Variants in ITFG2 observed in about 807,000 individuals in gnomAD.
The protein encoded by ITFG2 is integrin alpha FG-GAP repeat containing 2.
A neutral mutation model predicts 54.4 loss-of-function variants in ITFG2; 36 were observed. The observed-to-expected ratio is 0.66, with a 90% CI of 0.51 to 0.87. The LOEUF (loss-of-function observed/expected upper bound fraction) is 0.87. Ranked by LOEUF, ITFG2 falls within the 40% of genes least tolerant of loss-of-function variation. The pLI is 0.00. For synonymous variants in ITFG2, 211 were observed against 225.4 expected, an observed-to-expected ratio of 0.94 and a Z score of 0.57; for missense variants, 524 against 576.7, an observed-to-expected ratio of 0.91 and a Z score of 0.94.
chr12:2,847,354 G>A (rs543561602), intron 2 of ITFG2, among the ~76,000 whole-genome samples: 1 of 152,144 alleles, frequency 6.6e-6, no homozygotes, highest in East Asian at 1.9e-4. Context: ...CAGAAACCCT[G>A]TACCCATTAA....
intron 4 of ITFG2, 112 bp from the exon 5 acceptor site, chr12:2,819,974 T>C: frequency 1.5e-6 from 2 of 1,361,012 alleles, no homozygotes; most frequent in Non-Finnish European, 2.0e-6. Context: ...GTGAAGTGAG[T>C]AGCACCGCAG....
chr12:2,822,642 T>C, intron 9 of ITFG2, 152 bp from the exon 10 acceptor site: 1 of 686,726 alleles, frequency 1.5e-6, no homozygotes, highest in Non-Finnish European at 2.6e-6. Flanking sequence ...GCCTACTTCC[T>C]AGGGTGGCTG....
chr12:2,855,480 T>C (rs1427042120), intron 2 of ITFG2: 1 of 1,391,042 alleles, frequency 7.2e-7, no homozygotes, highest in African/African-American at 1.4e-5. Flanking sequence ...TGGGGAAGGT[T>C]GTGCAGACAG....
At chr12:2,827,920 A>G, downstream of ITFG2, 1 of 1,613,820 alleles carries the variant, frequency 6.2e-7, no homozygotes. This position sits in a 1 kb window ranked among gnomAD's most constrained non-coding sequence, Gnocchi z 4.0. Flanking sequence ...AGAAGGGGGG[A>G]CTTACCCACC....
chr12:2,855,833 C>T (rs565257374), intron 2 of ITFG2, among the ~76,000 whole-genome samples: 155 of 152,214 alleles, frequency 1.0e-3, no homozygotes, highest in Middle Eastern at 3.4e-3. Context: ...GAAATGCTCC[C>T]TACCATGCCA....
intron 1 of ITFG2, 53 bp downstream of exon 1, chr12:2,812,909 A>G (rs2097912484): frequency 3.3e-6 from 5 of 1,496,522 alleles, no homozygotes; most frequent in African/African-American, 2.7e-5. Context: ...GGGACGGGGC[A>G]AGGGAAGTGG....
At chr12:2,827,026 G>C, downstream of ITFG2, 2 of 1,436,724 alleles carry the variant, frequency 1.4e-6, no homozygotes, top group South Asian at 3.0e-5. The surrounding 1 kb of genome is among the most constrained non-coding windows in gnomAD (Gnocchi z 4.0). Context: ...GAGTAGGACA[G>C]CTGCTGAGAA....
chr12:2,847,041 G>A lies in ITFG2; in HGVS notation n.300+6046G>A, dbSNP rs60174772. On this transcript the variant is annotated intron_variant and non_coding_transcript_variant, in intron 2 of 3. Transcript: ENST00000537710. Reference sequence around the variant, plus strand: ...TCTCCCCTCCTCCAGCATCTGGGAAGCATCCATTCACCTTCCAGCTCTGTG... The same window carrying A: ...TCTCCCCTCCTCCAGCATCTGGGAAACATCCATTCACCTTCCAGCTCTGTG... Among the ~76,000 whole-genome samples the A allele has an allele frequency of 2.0e-5, 3 of 152,234 alleles. No individual in the cohort carries two copies. The East Asian group carries it at 5.8e-4, about 29-fold the overall frequency.
intron 9 of ITFG2, 127 bp downstream of exon 9, chr12:2,821,919 T>A: frequency 1.5e-6 from 1 of 670,704 alleles, no homozygotes; most frequent in Non-Finnish European, 2.5e-6. Flanking sequence ...CTCTGTCTCT[T>A]TTTTTTTTTT....
chr12:2,858,500 T>C, intron 3 of ITFG2: 1 of 709,238 alleles, frequency 1.4e-6, no homozygotes, highest in Non-Finnish European at 2.3e-6. Context: ...ACTGCTACTT[T>C]TGCATAATCA....
chr12:2,853,057 C>T (rs888350065), intron 2 of ITFG2, among the ~76,000 whole-genome samples: 59 of 152,006 alleles, frequency 3.9e-4, no homozygotes, highest in African/African-American at 1.3e-3. Context: ...CTCAGAAGGT[C>T]CTGGGGGATT....
rs558400205 is a variant in ITFG2 at position 2,822,861 on chromosome 12, G to A, written c.1016G>A (p.Arg339His). ...DGQTYIIDHN[R>H]TVVRFQVDEN... Reference sequence around the variant, plus strand: ...CAGACATATATCATTGATCACAACCGCACCGTCGTCCGCTTCCAAGTGGAT... The same window carrying A: ...CAGACATATATCATTGATCACAACCACACCGTCGTCCGCTTCCAAGTGGAT... The change falls in exon 10 of 12, where the codon CGC (arginine) becomes CAC (histidine). Residue 339 changes from arginine to histidine, a missense_variant. Transcript: ENST00000228799. 2.0e-5 allele frequency: 33 copies of A among 1,614,076 alleles called. 1 individual carries two copies. Among genetic ancestry groups the A allele is most frequent in the Admixed American group, 1.0e-4 (6 of 60,000 alleles).
At chr12:2,821,183 G>A (rs2097942851) in intron 6 of ITFG2, 79 bp from the exon 7 acceptor site, 6 of 1,117,840 alleles carry the variant, frequency 5.4e-6, no homozygotes, top group Non-Finnish European at 7.9e-6. Context: ...AGAAGCTCTT[G>A]CAGGGATAGG....
chr12:2,819,941 G>A (rs1749448195), intron 4 of ITFG2, 145 bp from the exon 5 acceptor site: 2 of 1,013,938 alleles, frequency 2.0e-6, no homozygotes, highest in South Asian at 4.0e-5. Context: ...GCAAACACAG[G>A]CAGGGGCGGG....
chr12:2,812,856 G>C lies in ITFG2; in HGVS notation c.96G>C (p.Thr32=). Residue 32 remains threonine (T), a splice_region_variant and synonymous_variant, in exon 1 of 12, where the codon ACG becomes ACC. Coordinates refer to ENST00000228799, the MANE Select transcript of ITFG2 (RefSeq NM_018463.4). ...GCCTCGGAGACGTTGATAACGATACGGTAGGTGCATGCGCACCGCAAGAGA... is the reference window on the plus strand; with the variant it reads ...GCCTCGGAGACGTTGATAACGATACCGTAGGTGCATGCGCACCGCAAGAGA... ...AICLGDVDND[T]LNELVVGDTS... The C allele has an allele frequency of 1.2e-6, 2 of 1,608,538 alleles. No homozygotes were observed. Among genetic ancestry groups the C allele is most frequent in the Non-Finnish European group, 1.7e-6 (2 of 1,176,344 alleles).
intron 5 of ITFG2, 97 bp from the exon 6 acceptor site, chr12:2,820,627 T>TCC: frequency 4.0e-6 from 1 of 252,666 alleles, no homozygotes; most frequent in Non-Finnish European, 8.0e-6. Context: ...GCCCTGCCCC[T>TCC]GCCCCCGCCC....
At chr12:2,853,209 C>T (rs61919364) in intron 2 of ITFG2, among the ~76,000 whole-genome samples, 20,799 of 152,044 alleles carry the variant, frequency 0.14, 1,546 homozygotes, top group South Asian at 0.29. Context: ...GCAAGGGTAG[C>T]AGGGAAGCAG....
intron 2 of ITFG2, chr12:2,855,266 A>G: frequency 6.6e-7 from 1 of 1,514,616 alleles, no homozygotes; most frequent in East Asian, 2.5e-5. Flanking sequence ...CCACCCTTCC[A>G]AGGGTGGATG....
downstream of ITFG2, chr12:2,830,896 C>G (rs74721358): frequency 2.5e-6 from 4 of 1,600,348 alleles, no homozygotes; most frequent in South Asian, 4.5e-5. Flanking sequence ...GTAGGCAGTT[C>G]TAAACCCAGG....
Sources: allele counts gnomAD v4.1 joint callset (sites outside exome capture counted in the v4.1 genomes callset), GRCh38; gene constraint gnomAD v4.1.1; non-coding constraint Gnocchi (gnomAD v3.1); transcripts MANE v1.5; gene names NCBI Gene and HGNC (gene_info 2026-07-23, HGNC 2026-07-21).